The following YWHAQ variants were observed in gnomAD, a reference collection of about 807,000 sequenced individuals.
YWHAQ encodes the protein 14-3-3 protein theta.
YWHAQ carries 6 observed loss-of-function variants against 28.3 expected under a neutral mutation model. That is an observed-to-expected ratio of 0.21 (90% CI 0.12 to 0.42). The LOEUF (loss-of-function observed/expected upper bound fraction) is 0.42. Ranked by LOEUF, YWHAQ falls within the 10% of genes least tolerant of loss-of-function variation. The probability of loss-of-function intolerance (pLI) is 1.00; values close to 1 mark genes in which losing one functional copy is unlikely to be tolerated. For synonymous variants in YWHAQ, 143 were observed against 119.1 expected (o/e 1.20, Z -1.31); for missense variants, 201 against 305.6 (o/e 0.66, Z 2.55).
chr2:9,592,521 C>T (rs550439032), intron 2 of YWHAQ, among the ~76,000 whole-genome samples: 187 of 151,988 alleles, frequency 1.2e-3, no homozygotes, highest in Non-Finnish European at 1.3e-3. Context: ...GTCAGGAGTT[C>T]GAGACCAGCC....
intron 2 of YWHAQ, chr2:9,615,237 T>C (rs7556678): frequency 0.58 from 88,537 of 151,912 alleles, 28,045 homozygotes; most frequent in African/African-American, 0.8. Flanking sequence ...CATAATCACA[T>C]ATTATTACAG....
intron 2 of YWHAQ, among the ~76,000 whole-genome samples, chr2:9,602,844 AAAAAAAAAAAAAAAAAAAAT>A (rs1438566637): frequency 2.2e-3 from 86 of 39,390 alleles, no homozygotes; most frequent in Non-Finnish European, 3.2e-3. Flanking sequence ...AAAAAAAAAA[AAAAAAAAAAAAAAAAAAAAT>A]ATATATATAT....
intron 2 of YWHAQ, among the ~76,000 whole-genome samples, chr2:9,618,674 ATTTTTTT>A (rs34048944): frequency 7.4e-6 from 1 of 134,604 alleles, no homozygotes; most frequent in Non-Finnish European, 1.6e-5. Flanking sequence ...CACTGTTTTG[ATTTTTTT>A]TTTTTTTTTT....
At position 9,616,577 on chromosome 2, in the gene YWHAQ, TA is replaced by T. The variant is rs200343684; in HGVS notation, c.294+13581del. Among the ~76,000 whole-genome samples, 635 of 145,876 alleles carry T rather than the reference TA, an allele frequency of 4.4e-3. 2 individuals are homozygous for T. The highest frequency in any genetic ancestry group is 0.011 in the African/African-American group (447 of 39,726). On this transcript the variant is annotated intron_variant, in intron 2 of 5. Transcript: ENST00000238081. ...AAAGGTCTAGTATCCATAATATATT[TA>T]AAAAAAAAAAAGATTACAACCCAAT... is the stretch of plus-strand genomic sequence containing the variant.
intron 2 of YWHAQ, among the ~76,000 whole-genome samples, chr2:9,624,550 G>A (rs894488306): frequency 2.0e-5 from 3 of 152,060 alleles, no homozygotes; most frequent in African/African-American, 4.8e-5. Context: ...TCGTTGGGGA[G>A]TGTCCTGTGC....
At chr2:9,615,828 A>G (rs536787669) in intron 2 of YWHAQ, among the ~76,000 whole-genome samples, 2 of 152,286 alleles carry the variant, frequency 1.3e-5, no homozygotes, top group South Asian at 4.1e-4. Flanking sequence ...ACACGATTCT[A>G]GAAAAGGGGA....
intron 2 of YWHAQ, among the ~76,000 whole-genome samples, chr2:9,603,254 T>C (rs1332803678): frequency 6.9e-6 from 1 of 145,604 alleles, no homozygotes; most frequent in Non-Finnish European, 1.5e-5. Flanking sequence ...CAAAACAAAG[T>C]ACAATTCTCC....
chr2:9,608,734 A>C (rs1666885417), intron 2 of YWHAQ, among the ~76,000 whole-genome samples: 1 of 152,216 alleles, frequency 6.6e-6, no homozygotes, highest in Non-Finnish European at 1.5e-5. Flanking sequence ...GGATCACTTG[A>C]GGTCAGGAGT....
chr2:9,610,359 T>C (rs773280825), intron 2 of YWHAQ, among the ~76,000 whole-genome samples: 1 of 152,202 alleles, frequency 6.6e-6, no homozygotes, highest in Non-Finnish European at 1.5e-5. Flanking sequence ...ATTCATAGGG[T>C]TGTTGTGAAG....
In YWHAQ at chr2:9,630,501, G is replaced by A. The variant is rs764174434; in HGVS notation, c.-49C>T. Reference sequence around the variant, plus strand: ...GGCGGAGGGCGAGGAGAGCGAGGGCGAGCGCCGACCCGCAGCGGGAGGAGC... The same window carrying A: ...GGCGGAGGGCGAGGAGAGCGAGGGCAAGCGCCGACCCGCAGCGGGAGGAGC... On this transcript the variant is annotated 5_prime_UTR_variant, in exon 2 of 6. Coordinates refer to ENST00000238081, the MANE Select transcript of YWHAQ (RefSeq NM_006826.4). The surrounding 1 kb of genome is among the most constrained non-coding windows in gnomAD (Gnocchi z 5.6). The A allele has an allele frequency of 6.7e-7, 1 of 1,493,484 alleles. No homozygotes were observed. The allele number at this position is 1,493,484 out of a possible 1,614,324, so 92.5% of individuals were successfully genotyped here.
At chr2:9,605,529 T>C (rs1370272214) in intron 2 of YWHAQ, among the ~76,000 whole-genome samples, 1 of 152,178 alleles carries the variant, frequency 6.6e-6, no homozygotes, top group Admixed American at 6.5e-5. Context: ...AAGGCAGCCA[T>C]CATTTACTAG....
At position 9,630,479 on chromosome 2, in the gene YWHAQ, G is replaced by GGAGGGCGAGGAGAGC. The variant is rs763733202; in HGVS notation, c.-42_-28dup. 27 of 1,181,402 alleles carry GGAGGGCGAGGAGAGC rather than the reference G, an allele frequency of 2.3e-5. No individual in the cohort carries two copies. In the African/African-American group the frequency reaches 3.4e-4, roughly 15 times the overall value. 73.2% of individuals were successfully genotyped at this position (1,181,402 alleles called of 1,614,324 possible). On this transcript the variant is annotated 5_prime_UTR_variant, in exon 2 of 6. Transcript: ENST00000238081. This position sits in a 1 kb window ranked among gnomAD's most constrained non-coding sequence, Gnocchi z 5.6. Reference sequence around the variant, plus strand: ...GCGGGCGCGGGGCCGGGGCCGGGGCGGAGGGCGAGGAGAGCGAGGGCGAGC... The same window carrying GGAGGGCGAGGAGAGC: ...GCGGGCGCGGGGCCGGGGCCGGGGCGGAGGGCGAGGAGAGCGAGGGCGAGGAGAGCGAGGGCGAGC...
chr2:9,593,898 T>TAA (rs151047530), intron 2 of YWHAQ, among the ~76,000 whole-genome samples: 3,155 of 121,236 alleles, frequency 0.026, 132 homozygotes, highest in African/African-American at 0.094. Context: ...TTAAATAGAT[T>TAA]AAAAAAAATA....
In YWHAQ at chr2:9,630,521, A is replaced by T; in HGVS notation, c.-69T>A. ...AGGGCGAGCGCCGACCCGCAGCGGG[A>T]GGAGCCTCGAGAGCTGCGGAGGGGC... is the stretch of plus-strand genomic sequence containing the variant. On this transcript the variant is annotated 5_prime_UTR_variant, in exon 2 of 6. Transcript: ENST00000238081. This position sits in a 1 kb window ranked among gnomAD's most constrained non-coding sequence, Gnocchi z 5.6. The T allele has an allele frequency of 1.4e-6, 2 of 1,425,946 alleles. No individual in the cohort carries two copies. The highest frequency in any genetic ancestry group is 1.4e-5 in the South Asian group (1 of 71,382). The allele number at this position is 1,425,946 out of a possible 1,614,324, so 88.3% of individuals were successfully genotyped here.
chr2:9,610,569 C>T (rs1472721314), intron 2 of YWHAQ, among the ~76,000 whole-genome samples: 2 of 152,242 alleles, frequency 1.3e-5, no homozygotes, highest in East Asian at 1.9e-4. Context: ...AGTGCAACGG[C>T]GCAATCTCGG....
intron 2 of YWHAQ, among the ~76,000 whole-genome samples, chr2:9,602,847 AAAAAAAAAAAAAAAAATATATATATAT>A (rs1477463029): frequency 1.7e-4 from 4 of 23,764 alleles, no homozygotes; most frequent in South Asian, 2.0e-3. Context: ...AAAAAAAAAA[AAAAAAAAAAAAAAAAATATATATATAT>A]ATATATATAT....
intron 2 of YWHAQ, among the ~76,000 whole-genome samples, chr2:9,616,953 CTTTGT>C (rs375100179): frequency 2.0e-5 from 3 of 152,038 alleles, no homozygotes; most frequent in Admixed American, 6.6e-5. Flanking sequence ...AAAAGTAGTA[CTTTGT>C]TTTGTTTTGT....
At chr2:9,597,801 T>A (rs1025479119) in intron 2 of YWHAQ, among the ~76,000 whole-genome samples, 14 of 151,128 alleles carry the variant, frequency 9.3e-5, no homozygotes, top group Non-Finnish European at 1.9e-4. Context: ...TTTTTTTTTT[T>A]TTATTGAGAC....
At chr2:9,604,853 C>A (rs1002958762) in intron 2 of YWHAQ, among the ~76,000 whole-genome samples, 1 of 152,206 alleles carries the variant, frequency 6.6e-6, no homozygotes, top group Admixed American at 6.5e-5. Flanking sequence ...ACGGCAAACT[C>A]TTAAGCAGAT....
Sources: gnomAD v4.1 joint callset for allele counts (sites outside exome capture counted in the v4.1 genomes callset) on GRCh38, gnomAD v4.1.1 for gene constraint, Gnocchi (gnomAD v3.1) non-coding constraint, MANE v1.5 for transcripts, NCBI Gene and HGNC (gene_info 2026-07-23, HGNC 2026-07-21) for gene names.